The following TRDN variants were observed in gnomAD, a reference collection of about 807,000 sequenced individuals.
TRDN encodes the protein triadin in skeletal muscle.
TRDN carries 161 observed loss-of-function variants against 149.7 expected under a neutral mutation model. The ratio of observed to expected loss-of-function variants is 1.08; its 90% CI spans 0.95 to 1.23. The LOEUF (loss-of-function observed/expected upper bound fraction) is 1.23, where lower values mean the gene tolerates loss of function less well. TRDN is among the 50% of genes most tolerant of loss of function. The probability of loss-of-function intolerance (pLI) is 0.00; values close to 1 mark genes in which losing one functional copy is unlikely to be tolerated. For missense variants in TRDN, 896 were observed against 823.5 expected (o/e 1.09, Z -1.08); for synonymous variants, 294 against 250.5 (o/e 1.17, Z -1.64).
intron 1 of TRDN, among the ~76,000 whole-genome samples, chr6:123,627,594 C>T (rs1663792646): frequency 6.6e-6 from 1 of 152,164 alleles, no homozygotes; most frequent in African/African-American, 2.4e-5. Flanking sequence ...TTGAAGTCAC[C>T]AGCTGCATTA....
chr6:123,396,522 T>C (rs1299235200), intron 12 of TRDN, among the ~76,000 whole-genome samples: 1 of 152,192 alleles, frequency 6.6e-6, no homozygotes, highest in East Asian at 1.9e-4. Context: ...TGATAAATAG[T>C]ATTTTGGACT....
At chr6:123,243,946 C>T (rs1280062593) in intron 38 of TRDN, among the ~76,000 whole-genome samples, 1 of 152,124 alleles carries the variant, frequency 6.6e-6, no homozygotes. Flanking sequence ...CATCCAGTCA[C>T]AGGAGAAAAC....
At chr6:123,401,849 A>G (rs917053545) in intron 12 of TRDN, among the ~76,000 whole-genome samples, 3 of 151,540 alleles carry the variant, frequency 2.0e-5, no homozygotes, top group Non-Finnish European at 4.4e-5. Context: ...AGGAAGGCTG[A>G]GGCAGGAGAA....
intron 24 of TRDN, among the ~76,000 whole-genome samples, chr6:123,315,901 T>A (rs1582861385): frequency 6.6e-6 from 1 of 151,910 alleles, no homozygotes; most frequent in African/African-American, 2.4e-5. Context: ...TTTAAAAGTA[T>A]TTCAGCTTTC....
At chr6:123,617,098 C>T (rs1785128813) in intron 1 of TRDN, among the ~76,000 whole-genome samples, 1 of 152,044 alleles carries the variant, frequency 6.6e-6, no homozygotes, top group African/African-American at 2.4e-5. Context: ...AATCTCTGAC[C>T]TGATTTTTTT....
intron 12 of TRDN, among the ~76,000 whole-genome samples, chr6:123,401,731 G>A (rs1290063527): frequency 1.3e-5 from 2 of 152,038 alleles, no homozygotes; most frequent in East Asian, 1.9e-4. Context: ...GATCACCTGA[G>A]GTCAGGAGTT....
chr6:123,396,161 C>T (rs1009664021), intron 12 of TRDN, among the ~76,000 whole-genome samples: 2 of 152,134 alleles, frequency 1.3e-5, no homozygotes, highest in African/African-American at 4.8e-5. Flanking sequence ...TATTGTACTA[C>T]TGAAAACACA....
chr6:123,304,894 T>C (rs1054035262), intron 24 of TRDN, among the ~76,000 whole-genome samples: 4 of 152,146 alleles, frequency 2.6e-5, no homozygotes, highest in African/African-American at 9.6e-5. Flanking sequence ...TGCTTTGTTT[T>C]CCAGATTTCA....
chr6:123,453,615 G>A (rs772364762), intron 10 of TRDN, among the ~76,000 whole-genome samples: 3 of 152,064 alleles, frequency 2.0e-5, no homozygotes, highest in Admixed American at 6.6e-5. Context: ...AACAGTAGTG[G>A]CATGTATGTG....
intron 38 of TRDN, among the ~76,000 whole-genome samples, chr6:123,227,185 T>C (rs1775408779): frequency 6.6e-6 from 1 of 151,796 alleles, no homozygotes; most frequent in South Asian, 2.1e-4. Context: ...AGAAAATGAA[T>C]GCAGAGAATG....
At chr6:123,279,162 T>G (rs1777489248) in intron 24 of TRDN, 80 bp from the exon 25 acceptor site, 1 of 1,141,910 alleles carries the variant, frequency 8.8e-7, no homozygotes. Context: ...TGATATAATA[T>G]ATTTGAAAAT....
chr6:123,369,404 C>T (rs577711358), intron 19 of TRDN, among the ~76,000 whole-genome samples: 2 of 152,188 alleles, frequency 1.3e-5, no homozygotes, highest in Non-Finnish European at 2.9e-5. Flanking sequence ...CGAATCAACC[C>T]ACTATGTCTG....
chr6:123,435,458 G>A (rs1293194733), intron 12 of TRDN, among the ~76,000 whole-genome samples: 4 of 151,622 alleles, frequency 2.6e-5, no homozygotes, highest in East Asian at 3.9e-4. Flanking sequence ...AAAAAGAAAC[G>A]AGTTAAAAAC....
intron 2 of TRDN, among the ~76,000 whole-genome samples, chr6:123,566,193 T>C (rs1203283195): frequency 6.6e-6 from 1 of 152,218 alleles, no homozygotes; most frequent in East Asian, 1.9e-4. Context: ...TCTGTTTATT[T>C]GGTGCCTTAA....
intron 24 of TRDN, among the ~76,000 whole-genome samples, chr6:123,287,801 TAA>T (rs1777854365): frequency 6.6e-6 from 1 of 152,038 alleles, no homozygotes; most frequent in Non-Finnish European, 1.5e-5. Flanking sequence ...CAAAATCAAA[TAA>T]TAGACTTGAT....
intron 2 of TRDN, among the ~76,000 whole-genome samples, chr6:123,563,530 T>C (rs552777422): frequency 6.6e-6 from 1 of 152,338 alleles, no homozygotes; most frequent in South Asian, 2.1e-4. Flanking sequence ...ATGCGTATAA[T>C]AAGAAATGGG....
In TRDN at chr6:123,594,518, A is replaced by G. The variant is rs535684532; in HGVS notation, c.23-23386T>C. Among the ~76,000 whole-genome samples, 8 of 152,166 alleles carry G rather than the reference A, an allele frequency of 5.3e-5. No homozygotes were observed. In the South Asian group the frequency reaches 1.7e-3, roughly 32 times the overall value. ...GTTAAATTAAAATATTTACAATAAA[A>G]TGTTTCTCCAAAGGAAACCCACTTT... is the stretch of plus-strand genomic sequence containing the variant. On this transcript the variant is annotated intron_variant, in intron 1 of 40. Coordinates refer to ENST00000334268, the MANE Select transcript of TRDN (RefSeq NM_006073.4).
intron 20 of TRDN, among the ~76,000 whole-genome samples, chr6:123,362,893 A>G (rs950825150): frequency 6.6e-6 from 1 of 152,158 alleles, no homozygotes; most frequent in Non-Finnish European, 1.5e-5. Flanking sequence ...GTGAGTAAAT[A>G]TGAAAATGAT....
intron 1 of TRDN, among the ~76,000 whole-genome samples, chr6:123,604,949 G>A (rs1004421027): frequency 6.6e-6 from 1 of 151,916 alleles, no homozygotes; most frequent in African/African-American, 2.4e-5. Flanking sequence ...AAAAATAATG[G>A]TCATTTCTTA....
Sources: gnomAD v4.1 joint callset for allele counts (sites outside exome capture counted in the v4.1 genomes callset) on GRCh38, gnomAD v4.1.1 for gene constraint, MANE v1.5 for transcripts, NCBI Gene and HGNC (gene_info 2026-07-23, HGNC 2026-07-21) for gene names.